The following RORC variants were observed in gnomAD, a reference collection of about 807,000 sequenced individuals.
RORC encodes RAR related orphan receptor C.
RORC carries 13 observed loss-of-function variants against 64.5 expected under a neutral mutation model. The observed-to-expected ratio is 0.20, with a 90% CI of 0.13 to 0.32. RORC has a LOEUF of 0.32. RORC is among the 10% of genes least tolerant of loss of function. The pLI is 1.00. For missense variants in RORC, 468 were observed against 669.5 expected (o/e 0.70, Z 3.32); for synonymous variants, 277 against 259.3 (o/e 1.07, Z -0.65).
In RORC at chr1:151,815,220, C is replaced by T. The variant is rs1651711462; in HGVS notation, c.504G>A (p.Glu168=). 3 of 1,613,510 alleles carry T rather than the reference C, an allele frequency of 1.9e-6. No homozygotes were observed. Among genetic ancestry groups the T allele is most frequent in the Non-Finnish European group, 2.5e-6 (3 of 1,179,594 alleles). The change falls in exon 5 of 11, where the codon GAG becomes GAA. Residue 168 remains glutamate, a synonymous_variant. Coordinates refer to ENST00000318247, the MANE Select transcript of RORC (RefSeq NM_005060.4). ...LPLGSSPDLP[E]ASACPPGLLK... Reference sequence around the variant, plus strand: ...GGAGGCCAGGGGGACAGGCAGAAGCCTCAGGCAGGTCAGGCGAGGAGCCCA... The same window carrying T: ...GGAGGCCAGGGGGACAGGCAGAAGCTTCAGGCAGGTCAGGCGAGGAGCCCA...
rs1651294187 is a variant in RORC, at chr1:151,806,192, C to G, written c.*1280G>C. The G allele has an allele frequency of 6.6e-6, 1 of 151,792 alleles. No individual in the cohort carries two copies. Among genetic ancestry groups the G allele is most frequent in the African/African-American group, 2.4e-5 (1 of 41,256 alleles). The allele number at this position is 151,792 out of a possible 1,614,324, so 9.4% of individuals were successfully genotyped here. ...CCCCCCCAACTCCACGACTGCCCAT[C>G]ATTGCTGTTAATCCCTCAGGGGAGG... On this transcript the variant is annotated 3_prime_UTR_variant, in exon 11 of 11. Transcript: ENST00000318247.
In RORC at chr1:151,806,724, T is replaced by C. The variant is rs1252851167; in HGVS notation, c.*748A>G. 1 of 152,222 alleles carries C rather than the reference T, an allele frequency of 6.6e-6. No individual in the cohort carries two copies. The highest frequency in any genetic ancestry group is 6.5e-5 in the Admixed American group (1 of 15,280). The allele number at this position is 152,222 out of a possible 1,614,324, so 9.4% of individuals were successfully genotyped here. On this transcript the variant is annotated 3_prime_UTR_variant, in exon 11 of 11. Coordinates refer to ENST00000318247, the MANE Select transcript of RORC (RefSeq NM_005060.4). ...TATGGATATGTGTCTCTGATCAGAT[T>C]TGTGCCAGCCCCTAAAGTCTATCTT...
intron 2 of RORC, among the ~76,000 whole-genome samples, chr1:151,821,667 T>C (rs1651998862): frequency 6.6e-6 from 1 of 152,152 alleles, no homozygotes; most frequent in Non-Finnish European, 1.5e-5. Context: ...CCTAGATCTC[T>C]GTAATTCTGC....
At chr1:151,822,332 G>T (rs187890283) in intron 2 of RORC, among the ~76,000 whole-genome samples, 29 of 152,326 alleles carry the variant, frequency 1.9e-4, no homozygotes, top group African/African-American at 4.1e-4. Flanking sequence ...GGGGAGAAGT[G>T]GTTCTACCTG....
chr1:151,826,024 G>A (rs1415935705), intron 2 of RORC: 15 of 1,600,488 alleles, frequency 9.4e-6, no homozygotes, highest in African/African-American at 4.0e-5. Flanking sequence ...CGGCAGAGGC[G>A]GGGCGAGGCC....
chr1:151,814,915 A>G lies in RORC; in HGVS notation c.809T>C (p.Ile270Thr), dbSNP rs1651696812. 3 of 1,611,390 alleles carry G rather than the reference A, an allele frequency of 1.9e-6. No homozygotes were observed. The highest frequency in any genetic ancestry group is 2.5e-6 in the Non-Finnish European group (3 of 1,178,198). The change falls in exon 5 of 11, where the codon ATA becomes ACA. Residue 270 changes from isoleucine (I) to threonine (T), a missense_variant and splice_region_variant. Physicochemically the swap from Ile to Thr is moderately conservative, Grantham distance 89 (BLOSUM62 -1). This residue lies in a region of RORC where 241 missense variants were observed against 295.5 expected (regional missense o/e 0.82). Transcript: ENST00000318247. The part of the protein sequence containing the change: ...PEAPYASLTE[I>T]EHLVQSVCKS... The stretch of plus-strand genomic sequence containing the variant: ...TCTCCACCTCCCCAGCTGCTCACCT[A>G]TCTCTGTCAGGGAGGCATAGGGTGC...
Position 151,817,222 on chromosome 1 carries a change from G to A in RORC, c.129C>T (p.Tyr43=), listed in dbSNP as rs200606878. ...TGCACCCCTCACAGGTGATAACCCC[G>A]TAGTGGATCCCAGACGACTTGTCCC... ...ICGDKSSGIH[Y]GVITCEGCKG... is the part of the protein sequence containing the mutation. Residue 43 remains tyrosine, a synonymous_variant, in exon 3 of 11, where the codon TAC becomes TAT. Coordinates refer to ENST00000318247, the MANE Select transcript of RORC (RefSeq NM_005060.4). 2.0e-5 allele frequency: 32 copies of A among 1,613,848 alleles called. No individual in the cohort carries two copies. The Admixed American group carries it at 2.3e-4, about 12-fold the overall frequency.
chr1:151,831,105 C>T (rs978761812), intron 1 of RORC: 14 of 1,287,924 alleles, frequency 1.1e-5, no homozygotes, highest in African/African-American at 1.5e-5. Flanking sequence ...CTGTCCTTCC[C>T]TGCTGATGGC....
intron 2 of RORC, among the ~76,000 whole-genome samples, chr1:151,824,676 C>T (rs1304642817): frequency 6.6e-6 from 1 of 152,250 alleles, no homozygotes; most frequent in Admixed American, 6.5e-5. Context: ...TCTCCATCAT[C>T]ACCCTTGGGG....
Position 151,807,740 on chromosome 1 carries a change from C to T in RORC, c.1396-107G>A. 2 of 1,233,912 alleles carry T rather than the reference C, an allele frequency of 1.6e-6. No homozygotes were observed. Among genetic ancestry groups the T allele is most frequent in the Non-Finnish European group, 2.3e-6 (2 of 884,694 alleles). The allele number at this position is 1,233,912 out of a possible 1,614,324, so 76.4% of individuals were successfully genotyped here. The stretch of plus-strand genomic sequence containing the variant: ...TAGGACAAACCCTCCTTGCCTTCCC[C>T]TTATGTACTTGGCACTTTGGCACCA... On this transcript the variant is annotated intron_variant, in intron 10 of 10. Transcript: ENST00000318247. The surrounding 1 kb of genome is among the most constrained non-coding windows in gnomAD (Gnocchi z 5.0).
At chr1:151,831,108 C>A in intron 1 of RORC, 7 of 1,287,484 alleles carry the variant, frequency 5.4e-6, no homozygotes, top group Non-Finnish European at 7.1e-6. Context: ...TCCTTCCCTG[C>A]TGATGGCCCA....
chr1:151,809,367 C>T (rs1651433196), intron 10 of RORC, among the ~76,000 whole-genome samples: 1 of 152,164 alleles, frequency 6.6e-6, no homozygotes, highest in South Asian at 2.1e-4. Flanking sequence ...GCACTCCAGC[C>T]TGGGCGACAG....
At chr1:151,819,637 C>T (rs985401435) in intron 2 of RORC, among the ~76,000 whole-genome samples, 6 of 152,198 alleles carry the variant, frequency 3.9e-5, no homozygotes, top group Non-Finnish European at 7.3e-5. Context: ...CCTGCCTCTT[C>T]CCTTCTCCAA....
intron 10 of RORC, among the ~76,000 whole-genome samples, chr1:151,810,362 C>T (rs1330180041): frequency 6.6e-6 from 1 of 152,126 alleles, no homozygotes; most frequent in Non-Finnish European, 1.5e-5. Flanking sequence ...TTATGACCCA[C>T]TCCTTTTACC....
chr1:151,830,892 G>T lies in RORC; in HGVS notation c.40+833C>A. 6 of 1,265,812 alleles carry T rather than the reference G, an allele frequency of 4.7e-6. No homozygotes were observed. The highest frequency in any genetic ancestry group is 6.2e-6 in the Non-Finnish European group (6 of 971,596). The allele number at this position is 1,265,812 out of a possible 1,614,324, so 78.4% of individuals were successfully genotyped here. A position where few individuals can be genotyped will look rare whatever the true frequency, so the allele number is the denominator to read the frequency against. On this transcript the variant is annotated intron_variant, in intron 1 of 10. Coordinates refer to ENST00000318247, the MANE Select transcript of RORC (RefSeq NM_005060.4). The surrounding 1 kb of genome is among the most constrained non-coding windows in gnomAD (Gnocchi z 4.0). Reference sequence around the variant, plus strand: ...TCCTGGCCTCTAGCCTTGCACCTCAGAGCAGTCCTGTGGTGGGGGTGCTCC... The same window carrying T: ...TCCTGGCCTCTAGCCTTGCACCTCATAGCAGTCCTGTGGTGGGGGTGCTCC...
chr1:151,810,504 C>T (rs888717623), intron 10 of RORC, among the ~76,000 whole-genome samples: 19 of 151,414 alleles, frequency 1.3e-4, no homozygotes, highest in Middle Eastern at 3.4e-3. Flanking sequence ...GCATTTAAGT[C>T]ACTGAAGTCT....
Position 151,816,813 on chromosome 1 carries a change from A to T in RORC, c.157-8T>A. 6.6e-7 allele frequency: 1 copy of T among 1,523,702 alleles called. No homozygotes were observed. The allele number at this position is 1,523,702 out of a possible 1,614,324, so 94.4% of individuals were successfully genotyped here. A position where few individuals can be genotyped will look rare whatever the true frequency, so the allele number is the denominator to read the frequency against. On this transcript the variant is annotated splice_region_variant and splice_polypyrimidine_tract_variant and intron_variant, in intron 3 of 10. Coordinates refer to ENST00000318247, the MANE Select transcript of RORC (RefSeq NM_005060.4). ...GCTCCGGCGGAAGAAGCCCTGGGGA[A>T]AGCAGGTGGAGGGCAAGACTGCTTA...
At chr1:151,829,342 AC>A in intron 2 of RORC, 86 bp downstream of exon 2, 1 of 1,316,604 alleles carries the variant, frequency 7.6e-7, no homozygotes, top group Non-Finnish European at 1.0e-6. Context: ...CCTCTGTCCA[AC>A]CTCAGTCCCC....
At chr1:151,829,587 GC>G in intron 1 of RORC, 129 bp from the exon 2 acceptor site, 1 of 796,550 alleles carries the variant, frequency 1.3e-6, no homozygotes, top group Non-Finnish European at 1.9e-6. Flanking sequence ...GGGCAGGCAG[GC>G]CACCCCCTGC....
Sources: gnomAD v4.1 joint callset for allele counts (sites outside exome capture counted in the v4.1 genomes callset) on GRCh38, gnomAD v4.1.1 for gene constraint, gnomAD v4.1.1 regional missense constraint, Gnocchi (gnomAD v3.1) non-coding constraint, MANE v1.5 for transcripts, NCBI Gene and HGNC (gene_info 2026-07-23, HGNC 2026-07-21) for gene names.